The following MID1 variants were observed in gnomAD, a reference collection of about 807,000 sequenced individuals.
The protein encoded by MID1 is midline 1.
In MID1, 7 loss-of-function variants were observed where a neutral mutation model predicts 40.4. The ratio of observed to expected loss-of-function variants is 0.17; its 90% confidence interval spans 0.10 to 0.33. The LOEUF (loss-of-function observed/expected upper bound fraction) is 0.33, where lower values mean the gene tolerates loss of function less well. MID1 is among the 10% of genes least tolerant of loss of function. MID1 has a pLI of 1.00. For missense variants in MID1, 367 were observed against 558.5 expected (o/e 0.66, Z 3.46); for synonymous variants, 229 against 221.2 (o/e 1.04, Z -0.31).
chrX:10,445,494 A>G (rs981141742), downstream of MID1: 2 of 112,338 alleles, frequency 1.8e-5, no homozygotes, highest in Admixed American at 1.9e-4. Flanking sequence ...ATATTTGTCA[A>G]CATCATAACT....
intron 1 of MID1, among the ~76,000 whole-genome samples, chrX:10,813,012 T>TA (rs2044112464): frequency 9.0e-6 from 1 of 111,304 alleles, no homozygotes; most frequent in Non-Finnish European, 1.9e-5. Context: ...ATAACATCAA[T>TA]CTGCAGGTTT....
At chrX:10,762,758 G>A (rs762382463) in intron 1 of MID1, among the ~76,000 whole-genome samples, 12 of 111,365 alleles carry the variant, frequency 1.1e-4, no homozygotes, top group Non-Finnish European at 1.9e-4. Flanking sequence ...TTCTTTTGAA[G>A]GAAAATCAAG....
intron 1 of MID1, among the ~76,000 whole-genome samples, chrX:10,762,955 T>C (rs1308558978): frequency 9.0e-6 from 1 of 111,527 alleles, no homozygotes; most frequent in Non-Finnish European, 1.9e-5. Context: ...ACAGAAGTGA[T>C]CTTAGTTTAG....
intron 1 of MID1, among the ~76,000 whole-genome samples, chrX:10,818,333 T>C (rs2044153241): frequency 8.9e-6 from 1 of 112,586 alleles, no homozygotes; most frequent in Non-Finnish European, 1.9e-5. Context: ...TGAGCAGTAT[T>C]TCACATGCAA....
At chrX:10,519,668 C>G (rs1253552863) in intron 3 of MID1, among the ~76,000 whole-genome samples, 6 of 111,978 alleles carry the variant, frequency 5.4e-5, no homozygotes, top group Non-Finnish European at 1.1e-4. Context: ...CCTTTCTTTC[C>G]TTTTGTATGC....
At chrX:10,829,341 T>G (rs1178778808) in intron 1 of MID1, among the ~76,000 whole-genome samples, 3 of 111,901 alleles carry the variant, frequency 2.7e-5, no homozygotes, top group African/African-American at 9.7e-5. Context: ...GAGGCTCTGC[T>G]TAATTTCATT....
chrX:10,471,930 C>T (rs1929731081), intron 6 of MID1, among the ~76,000 whole-genome samples: 1 of 110,403 alleles, frequency 9.1e-6, no homozygotes. Context: ...CTTGATATAC[C>T]ACTTAGAGGC....
chrX:10,780,116 C>A lies in MID1; in HGVS notation c.-187+53438G>T, dbSNP rs753757668. 6.4e-5 allele frequency among the ~76,000 whole-genome samples: 7 copies of A among 110,203 alleles called. No individual in the cohort carries two copies. The South Asian group carries it at 2.8e-3, about 44-fold the overall frequency. On this transcript the variant is annotated intron_variant, in intron 1 of 10. Transcript: ENST00000380785. ...GAGTAGCTGAGACTACAGGTGCAGGCCACCACGCCCAGCTAACTTTTGTAT... is the reference window on the plus strand; with the variant it reads ...GAGTAGCTGAGACTACAGGTGCAGGACACCACGCCCAGCTAACTTTTGTAT...
chrX:10,633,547 G>C (rs771521804), intron 1 of MID1, among the ~76,000 whole-genome samples: 22 of 110,510 alleles, frequency 2.0e-4, no homozygotes, highest in Non-Finnish European at 3.6e-4. Flanking sequence ...AACCTCCCAG[G>C]CCCAAGCAAT....
chrX:10,587,239 G>C lies in MID1; in HGVS notation c.-56-19636C>G, dbSNP rs768182616. The stretch of plus-strand genomic sequence containing the variant: ...AGTATAAGTGCCACTCCAGTTATTC[G>C]GCAGAGTGCCCAGTAAAGGTCCACC... On this transcript the variant is annotated intron_variant, in intron 1 of 9. Transcript: ENST00000317552. Among the ~76,000 whole-genome samples the C allele has an allele frequency of 2.7e-5, 3 of 112,613 alleles. No individual in the cohort carries two copies. In the South Asian group the frequency reaches 1.1e-3, roughly 42 times the overall value.
At chrX:10,461,954 C>T (rs1929069212) in intron 7 of MID1, among the ~76,000 whole-genome samples, 2 of 112,066 alleles carry the variant, frequency 1.8e-5, no homozygotes, top group South Asian at 3.7e-4. Flanking sequence ...GGAACGCTTT[C>T]AGTAACATCA....
chrX:10,742,786 A>G (rs936920091), intron 1 of MID1, among the ~76,000 whole-genome samples: 2 of 112,396 alleles, frequency 1.8e-5, no homozygotes. Flanking sequence ...GGCAGTCTCC[A>G]TGACTAATGC....
At chrX:10,768,673 T>C in intron 1 of MID1, among the ~76,000 whole-genome samples, 1 of 112,016 alleles carries the variant, frequency 8.9e-6, no homozygotes, top group Non-Finnish European at 1.9e-5. Context: ...CTCCTCACTT[T>C]TAGAGAAAGA....
chrX:10,517,434 A>C (rs1932504452), intron 3 of MID1, among the ~76,000 whole-genome samples: 1 of 112,209 alleles, frequency 8.9e-6, no homozygotes, highest in Admixed American at 9.4e-5. Context: ...CTTGGACATG[A>C]GATTGTTTTG....
intron 2 of MID1, among the ~76,000 whole-genome samples, chrX:10,547,759 CAAAT>C (rs946268595): frequency 9.0e-6 from 1 of 111,175 alleles, no homozygotes; most frequent in Non-Finnish European, 1.9e-5. Context: ...CATATATTCT[CAAAT>C]AAGCCATGAA....
intron 4 of MID1, among the ~76,000 whole-genome samples, chrX:10,485,335 G>A (rs1025056652): frequency 2.7e-5 from 3 of 112,283 alleles, no homozygotes; most frequent in African/African-American, 9.7e-5. Context: ...AGCATGGAGC[G>A]AAGTACTTAG....
chrX:10,630,044 G>A (rs1485055809), intron 1 of MID1, among the ~76,000 whole-genome samples: 2 of 111,795 alleles, frequency 1.8e-5, no homozygotes, highest in Non-Finnish European at 3.8e-5. Context: ...AAGTATTTAT[G>A]GACTACAGCT....
intron 1 of MID1, among the ~76,000 whole-genome samples, chrX:10,741,663 AAGT>A (rs1460930722): frequency 2.7e-5 from 3 of 109,778 alleles, no homozygotes; most frequent in Non-Finnish European, 5.7e-5. Context: ...AAATTAAACC[AAGT>A]AGAAGACTAA....
At chrX:10,796,993 A>G (rs1194540428) in intron 1 of MID1, among the ~76,000 whole-genome samples, 3 of 111,323 alleles carry the variant, frequency 2.7e-5, no homozygotes, top group Non-Finnish European at 3.8e-5. Flanking sequence ...AGGAAGATTA[A>G]TGATTTGAAA....
Sources: allele counts gnomAD v4.1 joint callset (sites outside exome capture counted in the v4.1 genomes callset), GRCh38; gene constraint gnomAD v4.1.1; transcripts MANE v1.5; gene names NCBI Gene and HGNC (gene_info 2026-07-23, HGNC 2026-07-21).